PCDH15: variants seen among roughly 807,000 people sequenced by gnomAD.
PCDH15 encodes protocadherin related 15, also known as protocadherin-15.
In PCDH15, 129 loss-of-function variants were observed where a neutral mutation model predicts 178.5. That is an observed-to-expected ratio of 0.72 (90% CI 0.63 to 0.84). PCDH15 has a LOEUF of 0.84. Ranked by LOEUF, PCDH15 falls within the 40% of genes least tolerant of loss-of-function variation. The pLI is 0.00. For synonymous variants in PCDH15, 800 were observed against 732.0 expected (o/e 1.09, Z -1.50); for missense variants, 2,230 against 2,099.9 (o/e 1.06, Z -1.21).
intron 2 of PCDH15, among the ~76,000 whole-genome samples, chr10:54,570,351 T>A (rs1361457135): frequency 6.6e-6 from 1 of 152,188 alleles, no homozygotes; most frequent in African/African-American, 2.4e-5. Flanking sequence ...TTTAAATATC[T>A]CATTTATACC....
chr10:54,113,121 G>A (rs1360108821), intron 15 of PCDH15, among the ~76,000 whole-genome samples: 4 of 152,048 alleles, frequency 2.6e-5, no homozygotes, highest in South Asian at 2.1e-4. Context: ...GAGAATTTCC[G>A]GGAAGTTTGG....
chr10:54,298,017 G>A (rs912361818), intron 8 of PCDH15, among the ~76,000 whole-genome samples: 5 of 152,148 alleles, frequency 3.3e-5, no homozygotes, highest in African/African-American at 1.2e-4. Flanking sequence ...TCCCCACTGG[G>A]ACTTCAACTC....
intron 2 of PCDH15, among the ~76,000 whole-genome samples, chr10:55,145,888 A>T (rs1369604662): frequency 6.6e-6 from 1 of 151,980 alleles, no homozygotes; most frequent in Non-Finnish European, 1.5e-5. Context: ...ACTGTAAGTC[A>T]CCCTATCACC....
chr10:55,606,697 T>G (rs1386343114), intron 2 of PCDH15, among the ~76,000 whole-genome samples: 12 of 147,080 alleles, frequency 8.2e-5, no homozygotes, highest in Admixed American at 2.7e-4. Flanking sequence ...TAGCCATATG[T>G]AGAAAGCTGA....
chr10:55,132,791 C>A (rs913777625), intron 2 of PCDH15, among the ~76,000 whole-genome samples: 1 of 152,020 alleles, frequency 6.6e-6, no homozygotes, highest in Non-Finnish European at 1.5e-5. Flanking sequence ...TGTAGTTATC[C>A]TCATTTTACT....
intron 8 of PCDH15, among the ~76,000 whole-genome samples, chr10:54,276,079 T>C (rs1486188362): frequency 6.7e-6 from 1 of 148,960 alleles, no homozygotes; most frequent in East Asian, 1.9e-4. Context: ...CTTTATGGTA[T>C]TTAAATAAAA....
chr10:54,548,258 T>G (rs1271651876), intron 2 of PCDH15, among the ~76,000 whole-genome samples: 1 of 148,214 alleles, frequency 6.7e-6, no homozygotes, highest in East Asian at 1.9e-4. Flanking sequence ...GTGGCTTATT[T>G]AAGGAAACTT....
chr10:55,453,259 G>A (rs1839474741), intron 2 of PCDH15, among the ~76,000 whole-genome samples: 1 of 152,094 alleles, frequency 6.6e-6, no homozygotes, highest in Admixed American at 6.6e-5. Context: ...TCAGCAAGAG[G>A]ATAGGTGGAT....
intron 2 of PCDH15, among the ~76,000 whole-genome samples, chr10:54,912,099 T>G (rs911802355): frequency 6.6e-6 from 1 of 152,130 alleles, no homozygotes; most frequent in East Asian, 1.9e-4. Flanking sequence ...TATTCTAGAC[T>G]TGTTGATTCT....
chr10:54,195,733 T>G lies in PCDH15; in HGVS notation c.1255A>C (p.Asn419His), dbSNP rs1210776570. 16 of 1,613,954 alleles carry G rather than the reference T, an allele frequency of 9.9e-6. No individual in the cohort carries two copies. Among genetic ancestry groups the G allele is most frequent in the Middle Eastern group, 1.6e-4 (1 of 6,080 alleles). ...PVGATISDSL[N>H]LTSPLRIVAL... is the part of the protein sequence containing the mutation. ...ACTATTCTTAAAGGTGAAGTCAAAT[T>G]GAGACTGTCCGAAATGGTTGCTCCC... Residue 419 changes from asparagine (N) to histidine (H), a missense_variant, in exon 11 of 38, where the codon AAT becomes CAT. Transcript: ENST00000644397.
At chr10:55,536,658 T>C (rs1286317079) in intron 2 of PCDH15, among the ~76,000 whole-genome samples, 1 of 152,142 alleles carries the variant, frequency 6.6e-6, no homozygotes, top group Non-Finnish European at 1.5e-5. Flanking sequence ...GAATATAAAA[T>C]TGGCAATACC....
intron 1 of PCDH15, among the ~76,000 whole-genome samples, chr10:54,726,443 T>G (rs1177164657): frequency 3.5e-5 from 4 of 113,034 alleles, no homozygotes; most frequent in Admixed American, 8.0e-5. Flanking sequence ...TGTGTGTGTG[T>G]GTGTGTGTGT....
rs186180969 is a variant in PCDH15 at position 54,690,161 on chromosome 10, C to T, written c.-28-25871G>A. ...TAGCTGTCATAACATTATAACACAA[C>T]GCATTACTCATGTGTTTGTGGTAAT... On this transcript the variant is annotated intron_variant, in intron 1 of 37. Transcript: ENST00000644397. Among the ~76,000 whole-genome samples, 477 of 152,216 alleles carry T rather than the reference C, an allele frequency of 3.1e-3. 3 individuals carry two copies. Among genetic ancestry groups the T allele is most frequent in the African/African-American group, 9.9e-3 (410 of 41,538 alleles).
At chr10:54,220,627 C>A (rs1564714800) in intron 9 of PCDH15, among the ~76,000 whole-genome samples, 1 of 152,066 alleles carries the variant, frequency 6.6e-6, no homozygotes, top group South Asian at 2.1e-4. Context: ...AGATCGAGAC[C>A]ATCCTGGCTA....
At chr10:54,072,462 T>C (rs1280061257) in intron 17 of PCDH15, among the ~76,000 whole-genome samples, 2 of 151,956 alleles carry the variant, frequency 1.3e-5, no homozygotes, top group African/African-American at 4.8e-5. Flanking sequence ...GAAAAAAATA[T>C]ACATAAAATC....
At chr10:53,859,105 G>A (rs1210675607) in intron 27 of PCDH15, among the ~76,000 whole-genome samples, 3 of 149,644 alleles carry the variant, frequency 2.0e-5, no homozygotes, top group Non-Finnish European at 3.0e-5. Flanking sequence ...CAAACCACCC[G>A]GAACAAGTAG....
chr10:55,150,694 G>A (rs1202262734), intron 2 of PCDH15, among the ~76,000 whole-genome samples: 1 of 151,998 alleles, frequency 6.6e-6, no homozygotes, highest in Non-Finnish European at 1.5e-5. Flanking sequence ...CTTAAATGCA[G>A]TACTCCTTGA....
chr10:54,194,072 A>G (rs1213819758), intron 11 of PCDH15, among the ~76,000 whole-genome samples: 1 of 151,712 alleles, frequency 6.6e-6, no homozygotes, highest in Non-Finnish European at 1.5e-5. Context: ...GAAAAAAAAA[A>G]AAAAGCTAGA....
chr10:55,444,209 A>G (rs2132073337), intron 2 of PCDH15, among the ~76,000 whole-genome samples: 1 of 151,958 alleles, frequency 6.6e-6, no homozygotes, highest in South Asian at 2.1e-4. Context: ...GGTGCAGCAA[A>G]CCACCATGGC....
Sources: allele counts gnomAD v4.1 joint callset (sites outside exome capture counted in the v4.1 genomes callset), GRCh38; gene constraint gnomAD v4.1.1; transcripts MANE v1.5; gene names NCBI Gene and HGNC (gene_info 2026-07-23, HGNC 2026-07-21).